KCTD8: variants seen among roughly 807,000 people sequenced by gnomAD.
KCTD8 encodes the protein BTB/POZ domain-containing protein KCTD8.
In KCTD8, 27 loss-of-function variants were observed where a neutral mutation model predicts 31.5. That is an observed-to-expected ratio of 0.86 (90% confidence interval 0.63 to 1.18). The LOEUF (loss-of-function observed/expected upper bound fraction) is 1.18, where lower values mean the gene tolerates loss of function less well. Among genes scored for constraint, KCTD8 ranks in the 50% most tolerant of loss-of-function variants. The pLI is 0.00. For missense variants in KCTD8, 658 were observed against 647.7 expected, an observed-to-expected ratio of 1.02 and a Z score of -0.17; for synonymous variants, 290 against 280.0, an observed-to-expected ratio of 1.04 and a Z score of -0.36.
chr4:44,271,498 A>G (rs1397533784), intron 1 of KCTD8, among the ~76,000 whole-genome samples: 2 of 152,128 alleles, frequency 1.3e-5, no homozygotes, highest in Non-Finnish European at 1.5e-5. Flanking sequence ...AAATCTGCCC[A>G]TAAACTGGTC....
chr4:44,368,983 C>CT (rs558415034), intron 1 of KCTD8, among the ~76,000 whole-genome samples: 21 of 152,216 alleles, frequency 1.4e-4, no homozygotes, highest in African/African-American at 4.6e-4. Flanking sequence ...TGTTTCTGTC[C>CT]TTTTTTTGCA....
chr4:44,284,945 T>A (rs1717021284), intron 1 of KCTD8, among the ~76,000 whole-genome samples: 1 of 152,110 alleles, frequency 6.6e-6, no homozygotes, highest in Non-Finnish European at 1.5e-5. Flanking sequence ...CCAGTTAGAA[T>A]GGTGATCATT....
chr4:44,305,967 T>C (rs868655391), intron 1 of KCTD8, among the ~76,000 whole-genome samples: 2 of 151,894 alleles, frequency 1.3e-5, no homozygotes, highest in Admixed American at 6.6e-5. Flanking sequence ...AAATAAGTCA[T>C]TTACTAGATA....
At chr4:44,358,729 C>T (rs539077035) in intron 1 of KCTD8, among the ~76,000 whole-genome samples, 7 of 152,204 alleles carry the variant, frequency 4.6e-5, no homozygotes, top group South Asian at 4.2e-4. Flanking sequence ...CCACCACACC[C>T]GGTTAATTTT....
chr4:44,337,678 AAT>A (rs1281183251), intron 1 of KCTD8, among the ~76,000 whole-genome samples: 8 of 122,418 alleles, frequency 6.5e-5, no homozygotes, highest in South Asian at 2.7e-4. Context: ...GATCTCAAAA[AAT>A]ATATATATAT....
At chr4:44,247,633 G>A (rs1353881154) in intron 1 of KCTD8, among the ~76,000 whole-genome samples, 3 of 151,738 alleles carry the variant, frequency 2.0e-5, no homozygotes, top group African/African-American at 7.3e-5. Context: ...TATTCTTCCA[G>A]CTCTTGGCAA....
intron 1 of KCTD8, among the ~76,000 whole-genome samples, chr4:44,182,225 C>T (rs1182184577): frequency 1.3e-5 from 2 of 148,840 alleles, no homozygotes; most frequent in African/African-American, 5.0e-5. Context: ...GGCACCTCTG[C>T]CCGGCCGCCC....
chr4:44,424,410 G>A (rs989388271), intron 1 of KCTD8, among the ~76,000 whole-genome samples: 1 of 151,988 alleles, frequency 6.6e-6, no homozygotes. Context: ...AATGTAAACA[G>A]CCATTTTCTT....
At chr4:44,234,362 C>T (rs1297887839) in intron 1 of KCTD8, among the ~76,000 whole-genome samples, 1 of 152,162 alleles carries the variant, frequency 6.6e-6, no homozygotes, top group Non-Finnish European at 1.5e-5. Flanking sequence ...AGGTAAAACA[C>T]CTCAGGGCAG....
chr4:44,257,193 T>G (rs1007017156), intron 1 of KCTD8, among the ~76,000 whole-genome samples: 1 of 151,948 alleles, frequency 6.6e-6, no homozygotes, highest in Non-Finnish European at 1.5e-5. Flanking sequence ...TTTGTGAAAA[T>G]CCATCAGTTT....
intron 1 of KCTD8, among the ~76,000 whole-genome samples, chr4:44,419,994 G>A (rs530299258): frequency 6.6e-6 from 1 of 152,100 alleles, no homozygotes; most frequent in South Asian, 2.1e-4. Context: ...AGGAAGGAAT[G>A]AGAAGGCACA....
intron 1 of KCTD8, among the ~76,000 whole-genome samples, chr4:44,336,527 C>T (rs931261111): frequency 1.3e-5 from 2 of 151,750 alleles, no homozygotes; most frequent in Non-Finnish European, 2.9e-5. Flanking sequence ...AAATTAAAAT[C>T]GAAAAATGTT....
chr4:44,285,026 A>C (rs1404363230), intron 1 of KCTD8, among the ~76,000 whole-genome samples: 1 of 152,176 alleles, frequency 6.6e-6, no homozygotes, highest in Non-Finnish European at 1.5e-5. Flanking sequence ...TGTTGGTGGG[A>C]GTGTAAATTA....
At chr4:44,318,237 T>C (rs1718195963) in intron 1 of KCTD8, among the ~76,000 whole-genome samples, 1 of 152,216 alleles carries the variant, frequency 6.6e-6, no homozygotes, top group Admixed American at 6.5e-5. Flanking sequence ...TCTGTTTTCT[T>C]TCTTTCTTTC....
chr4:44,372,293 T>A lies in KCTD8; in HGVS notation c.961+75270A>T, dbSNP rs1468662896. On this transcript the variant is annotated intron_variant, in intron 1 of 1. Transcript: ENST00000360029. ...TGTCACTCACTCTATCAGACTAATG[T>A]AATACAGTCCTTACACTCGAGGGGC... Among the ~76,000 whole-genome samples the A allele has an allele frequency of 3.3e-5, 5 of 152,210 alleles. No individual in the cohort carries two copies. In the East Asian group the frequency reaches 9.6e-4, roughly 29 times the overall value.
intron 1 of KCTD8, among the ~76,000 whole-genome samples, chr4:44,405,618 TA>T (rs1319464130): frequency 6.6e-6 from 1 of 152,014 alleles, no homozygotes; most frequent in Non-Finnish European, 1.5e-5. Context: ...TACCCAGATT[TA>T]ATGTTACTCT....
chr4:44,407,245 T>A (rs1720821990), intron 1 of KCTD8, among the ~76,000 whole-genome samples: 1 of 152,082 alleles, frequency 6.6e-6, no homozygotes, highest in Non-Finnish European at 1.5e-5. Flanking sequence ...CCTTCAAAAA[T>A]CTCCTATTTT....
chr4:44,288,100 A>G (rs747114072), intron 1 of KCTD8, among the ~76,000 whole-genome samples: 3 of 152,138 alleles, frequency 2.0e-5, no homozygotes, highest in Non-Finnish European at 2.9e-5. Flanking sequence ...TGCCCTTAGT[A>G]TCTTCAAGCT....
intron 1 of KCTD8, among the ~76,000 whole-genome samples, chr4:44,311,745 A>G (rs1340631716): frequency 6.6e-6 from 1 of 151,890 alleles, no homozygotes; most frequent in African/African-American, 2.4e-5. Flanking sequence ...AGAAAATGCC[A>G]AATTAATTTA....
Sources: allele counts gnomAD v4.1 joint callset (sites outside exome capture counted in the v4.1 genomes callset), GRCh38; gene constraint gnomAD v4.1.1; transcripts MANE v1.5; gene names NCBI Gene and HGNC (gene_info 2026-07-23, HGNC 2026-07-21).